Variants in DSE observed in about 807,000 individuals in gnomAD.
DSE encodes the protein dermatan sulfate epimerase, also known as dermatan-sulfate epimerase.
Under a neutral mutation model 84.4 loss-of-function variants are expected in DSE, and 36 were observed. That is an observed-to-expected ratio of 0.43 (90% CI 0.33 to 0.56). DSE has a LOEUF of 0.56. Among genes scored for constraint, DSE ranks in the 20% least tolerant of loss-of-function variants. DSE has a pLI of 0.06. For missense variants in DSE, 862 were observed against 1,169.6 expected (o/e 0.74, Z 3.84); for synonymous variants, 410 against 430.1 (o/e 0.95, Z 0.58).
chr6:116,353,029 G>A (rs1473902047), intron 2 of DSE, among the ~76,000 whole-genome samples: 1 of 152,216 alleles, frequency 6.6e-6, no homozygotes, highest in Non-Finnish European at 1.5e-5. Flanking sequence ...TAGGGTAAGA[G>A]AGAGATATGA....
At chr6:116,370,678 G>A (rs1368985893), upstream of DSE, among the ~76,000 whole-genome samples, 8 of 152,200 alleles carry the variant, frequency 5.3e-5, no homozygotes, top group East Asian at 1.5e-3. Flanking sequence ...GCGGGGGTGC[G>A]GGTGGAGTCC....
intron 2 of DSE, among the ~76,000 whole-genome samples, chr6:116,305,922 G>C (rs1161003720): frequency 3.9e-5 from 6 of 152,138 alleles, no homozygotes; most frequent in African/African-American, 7.2e-5. Flanking sequence ...GATTACAAGT[G>C]TGAGCCACCG....
chr6:116,366,095 C>G (rs1052938735), upstream of DSE: 1 of 152,194 alleles, frequency 6.6e-6, no homozygotes, highest in Non-Finnish European at 1.5e-5. Context: ...ATTTTATATA[C>G]AACGTTTGGT....
intron 2 of DSE, among the ~76,000 whole-genome samples, chr6:116,259,571 G>T (rs1772315498): frequency 6.6e-6 from 1 of 152,130 alleles, no homozygotes; most frequent in Non-Finnish European, 1.5e-5. Context: ...TGTCACTGGG[G>T]TTTGTTGTAT....
intron 1 of DSE, among the ~76,000 whole-genome samples, chr6:116,388,739 A>T (rs1222517502): frequency 6.6e-6 from 1 of 151,942 alleles, no homozygotes; most frequent in East Asian, 1.9e-4. Context: ...TGCATTTAGG[A>T]TTTTTTGTGA....
In DSE at chr6:116,438,191, G is replaced by A. The variant is rs1431049637; in HGVS notation, c.*846G>A. 2 of 152,434 alleles carry A rather than the reference G, an allele frequency of 1.3e-5. No individual in the cohort carries two copies. The highest frequency in any genetic ancestry group is 1.3e-4 in the Admixed American group (2 of 15,264). 9.4% of individuals were successfully genotyped at this position (152,434 alleles called of 1,614,324 possible). ...TGATTTTCATACCAAAGAAGATGGA[G>A]AGTCTAAAATTTGGATATGATTCTT... is the stretch of plus-strand genomic sequence containing the variant. On this transcript the variant is annotated 3_prime_UTR_variant, in exon 6 of 6. Coordinates refer to ENST00000644252, the MANE Select transcript of DSE (RefSeq NM_013352.4).
At chr6:116,434,813 TTAACTC>T (rs1377846660) in intron 5 of DSE, among the ~76,000 whole-genome samples, 3 of 152,180 alleles carry the variant, frequency 2.0e-5, no homozygotes, top group African/African-American at 7.2e-5. Context: ...ACCAATAAGA[TTAACTC>T]TAGGTGATTG....
intron 2 of DSE, among the ~76,000 whole-genome samples, chr6:116,299,551 T>TAC (rs754431712): frequency 2.0e-4 from 11 of 53,664 alleles, no homozygotes; most frequent in African/African-American, 1.3e-3. Flanking sequence ...TATATATATA[T>TAC]ACACATACAC....
chr6:116,385,408 C>T (rs946243242), intron 1 of DSE, among the ~76,000 whole-genome samples: 1 of 151,764 alleles, frequency 6.6e-6, no homozygotes, highest in East Asian at 1.9e-4. Flanking sequence ...CTGTCGCAGG[C>T]AAGACATGGT....
intron 2 of DSE, among the ~76,000 whole-genome samples, chr6:116,303,055 C>T (rs140743376): frequency 1.2e-4 from 19 of 152,192 alleles, no homozygotes; most frequent in African/African-American, 4.3e-4. Context: ...TTATCTCATC[C>T]AATTCGTCCA....
intron 2 of DSE, among the ~76,000 whole-genome samples, chr6:116,329,960 A>C (rs779636106): frequency 1.9e-4 from 29 of 152,136 alleles, no homozygotes; most frequent in Non-Finnish European, 3.8e-4. Context: ...GGTAGCTGGG[A>C]TTACAGGCGC....
Position 116,389,151 on chromosome 6 carries a change from G to A in DSE, c.-53-10047G>A, listed in dbSNP as rs1780741368. Among the ~76,000 whole-genome samples, 4 of 152,228 alleles carry A rather than the reference G, an allele frequency of 2.6e-5. No individual in the cohort carries two copies. The South Asian group carries it at 8.3e-4, about 32-fold the overall frequency. ...GATGATGGCTGCTAGTATTTATTGAGCACTTTCTAAATCCTAGGCACCATT... is the reference window on the plus strand; with the variant it reads ...GATGATGGCTGCTAGTATTTATTGAACACTTTCTAAATCCTAGGCACCATT... On this transcript the variant is annotated intron_variant, in intron 1 of 5. Transcript: ENST00000644252.
rs747566014 is a variant in DSE at position 116,278,917 on chromosome 6, G to A, written c.-54+19950G>A. On this transcript the variant is annotated intron_variant, in intron 2 of 3. Transcript: ENST00000430252. ...TCTGAGTTCCTTCACCTCTAAATTG[G>A]TTATGTACCTTAACATCTCTGCATC... is the stretch of plus-strand genomic sequence containing the variant. 2.5e-6 allele frequency: 4 copies of A among 1,613,936 alleles called. No individual in the cohort carries two copies. The East Asian group carries it at 8.9e-5, about 36-fold the overall frequency.
intron 2 of DSE, among the ~76,000 whole-genome samples, chr6:116,270,692 C>T (rs1322101957): frequency 6.6e-6 from 1 of 152,100 alleles, no homozygotes; most frequent in African/African-American, 2.4e-5. Context: ...AAACATATCC[C>T]TTTTAAAAGC....
At chr6:116,326,132 C>T (rs1273723530) in intron 2 of DSE, among the ~76,000 whole-genome samples, 1 of 152,094 alleles carries the variant, frequency 6.6e-6, no homozygotes, top group Non-Finnish European at 1.5e-5. Context: ...GATTTCATTT[C>T]TGCCTTTTAG....
chr6:116,396,851 T>C (rs542145472), intron 1 of DSE, among the ~76,000 whole-genome samples: 11 of 152,304 alleles, frequency 7.2e-5, no homozygotes, highest in South Asian at 2.1e-4. Flanking sequence ...TGTGGTTGCA[T>C]AGGGGAGGAC....
chr6:116,387,533 G>A (rs1406305139), intron 1 of DSE, among the ~76,000 whole-genome samples: 1 of 152,138 alleles, frequency 6.6e-6, no homozygotes, highest in African/African-American at 2.4e-5. Context: ...TATTCTTGTG[G>A]GAAGTCCCAG....
intron 2 of DSE, among the ~76,000 whole-genome samples, chr6:116,411,291 A>G (rs1219949375): frequency 3.3e-5 from 5 of 152,218 alleles, no homozygotes; most frequent in African/African-American, 1.2e-4. Flanking sequence ...AGGAGATCGT[A>G]TTTAGTTCAA....
intron 1 of DSE, among the ~76,000 whole-genome samples, chr6:116,375,329 A>G (rs915854775): frequency 5.9e-5 from 9 of 152,150 alleles, no homozygotes; most frequent in Non-Finnish European, 8.8e-5. Flanking sequence ...TAAACTGTTC[A>G]TTAATTGGAT....
Sources: allele counts gnomAD v4.1 joint callset (sites outside exome capture counted in the v4.1 genomes callset), GRCh38; gene constraint gnomAD v4.1.1; transcripts MANE v1.5; gene names NCBI Gene and HGNC (gene_info 2026-07-23, HGNC 2026-07-21).